The following LIMCH1 variants were observed in gnomAD, a reference collection of about 807,000 sequenced individuals.
The protein encoded by LIMCH1 is LIM and calponin homology domains-containing protein 1.
A neutral mutation model predicts 176.5 loss-of-function variants in LIMCH1; 113 were observed. The observed-to-expected ratio is 0.64, with a 90% CI of 0.55 to 0.75. LIMCH1 has a LOEUF of 0.75. Among genes scored for constraint, LIMCH1 ranks in the 30% least tolerant of loss-of-function variants. The pLI, the probability that LIMCH1 is intolerant of heterozygous loss-of-function variation, is 0.00. For synonymous variants in LIMCH1, 619 were observed against 645.9 expected (o/e 0.96, Z 0.63); for missense variants, 1,674 against 1,814.9 (o/e 0.92, Z 1.41).
intron 1 of LIMCH1, among the ~76,000 whole-genome samples, chr4:41,569,138 A>T (rs1451993857): frequency 6.6e-6 from 1 of 152,194 alleles, no homozygotes; most frequent in African/African-American, 2.4e-5. Context: ...TTTGTTTCTC[A>T]TGATAAATAA....
intron 2 of LIMCH1, among the ~76,000 whole-genome samples, chr4:41,499,108 G>T (rs2072747977): frequency 6.6e-6 from 1 of 152,260 alleles, no homozygotes; most frequent in East Asian, 1.9e-4. Flanking sequence ...AGTGCAAAAT[G>T]CTATTTGGGT....
intron 1 of LIMCH1, among the ~76,000 whole-genome samples, chr4:41,538,852 AG>A (rs1300847551): frequency 2.0e-5 from 3 of 152,132 alleles, no homozygotes; most frequent in Non-Finnish European, 4.4e-5. Context: ...GAGGAGGAAA[AG>A]AAGCAAGGAA....
chr4:41,476,558 C>G (rs919874100), intron 1 of LIMCH1, among the ~76,000 whole-genome samples: 2 of 152,218 alleles, frequency 1.3e-5, no homozygotes, highest in Non-Finnish European at 2.9e-5. Flanking sequence ...TGGGTTACCA[C>G]CTGCTGTCTG....
chr4:41,644,186 A>G (rs952247784), intron 14 of LIMCH1, among the ~76,000 whole-genome samples: 2 of 152,210 alleles, frequency 1.3e-5, no homozygotes, highest in Non-Finnish European at 2.9e-5. Flanking sequence ...GGCTTCAAAT[A>G]CCATTTTTCT....
At chr4:41,615,480 C>T (rs1416269521) in intron 5 of LIMCH1, among the ~76,000 whole-genome samples, 1 of 152,154 alleles carries the variant, frequency 6.6e-6, no homozygotes, top group Non-Finnish European at 1.5e-5. Flanking sequence ...GCTTCACAAA[C>T]ACCATCCATG....
intron 1 of LIMCH1, among the ~76,000 whole-genome samples, chr4:41,464,266 G>A (rs1282541690): frequency 6.6e-6 from 1 of 151,456 alleles, no homozygotes; most frequent in African/African-American, 2.4e-5. Context: ...CTGTGTGCAT[G>A]CCATCTCCTC....
Position 41,695,918 on chromosome 4 carries a change from A to G in LIMCH1, c.4379-1242A>G, listed in dbSNP as rs558914785. ...GATGCAATAAAAGAGTCAGAATGGG[A>G]AAAAAAAAGGCTAAAAACCATTTTT... On this transcript the variant is annotated intron_variant, in intron 31 of 31. Transcript: ENST00000503057. Among the ~76,000 whole-genome samples the G allele has an allele frequency of 1.8e-3, 243 of 136,890 alleles. 1 individual carries two copies. The highest frequency in any genetic ancestry group is 3.5e-3 in the Non-Finnish European group (208 of 60,178). The allele number at this position is 136,890 out of a possible 152,430, so 89.8% of individuals were successfully genotyped here. A position where few individuals can be genotyped will look rare whatever the true frequency, so the allele number is the denominator to read the frequency against.
upstream of LIMCH1, among the ~76,000 whole-genome samples, chr4:41,535,540 C>A (rs796535392): frequency 6.6e-6 from 1 of 152,020 alleles, no homozygotes; most frequent in Non-Finnish European, 1.5e-5. Flanking sequence ...AGGACACTGT[C>A]GTATTGGATT....
chr4:41,660,290 AT>A (rs200789292), intron 18 of LIMCH1, among the ~76,000 whole-genome samples: 1,751 of 152,098 alleles, frequency 0.012, 41 homozygotes, highest in African/African-American at 0.04. Flanking sequence ...AGTTGTTTCA[AT>A]TTTTTTTACT....
At position 41,620,608 on chromosome 4, in the gene LIMCH1, A is replaced by T; in HGVS notation, c.643A>T (p.Lys215Ter). 6.5e-7 allele frequency: 1 copy of T among 1,536,198 alleles called. No individual in the cohort carries two copies. Among genetic ancestry groups the T allele is most frequent in the Non-Finnish European group, 8.7e-7 (1 of 1,146,936 alleles). Residue 215 changes from lysine to a stop codon, truncating the protein, a stop_gained, in exon 7 of 32, where the codon AAA (lysine) becomes TAA (stop). Transcript: ENST00000503057. LOFTEE classifies it high-confidence loss of function. ...VVAPAPKSEEKDAAEIQKRKR... is the reference protein window; with the variant it reads ...VVAPAPKSEE ...GGCACCAGCTCCCAAGTCTGAAGAAAAAGATGCTGCTGAGATCCAAAAGCG... is the reference window on the plus strand; with the variant it reads ...GGCACCAGCTCCCAAGTCTGAAGAATAAGATGCTGCTGAGATCCAAAAGCG...
intron 1 of LIMCH1, among the ~76,000 whole-genome samples, chr4:41,565,386 C>CACACAT (rs2082617216): frequency 7.2e-6 from 1 of 139,634 alleles, no homozygotes; most frequent in African/African-American, 2.7e-5. Context: ...CACACACATA[C>CACACAT]ACACACACAC....
chr4:41,570,891 C>T (rs1449242265), intron 1 of LIMCH1, among the ~76,000 whole-genome samples: 2 of 152,252 alleles, frequency 1.3e-5, no homozygotes, highest in Middle Eastern at 3.4e-3. Flanking sequence ...AGCATTCTAG[C>T]ATCCATTTGA....
chr4:41,646,753 C>T lies in LIMCH1; in HGVS notation c.2680C>T (p.Arg894Cys), dbSNP rs770160237. Residue 894 changes from arginine to cysteine, a missense_variant, in exon 17 of 32, where the codon CGT becomes TGT. Coordinates refer to ENST00000503057, the MANE Select transcript of LIMCH1 (RefSeq NM_001330672.2). ...TGCCACTGTTGAAACCACCATTGCT[C>T]GTGCCAGTGTTCTGGATACCAGCAT... Reference protein sequence around the residue: ...FTATVETTIARASVLDTSMSA... With the variant: ...FTATVETTIACASVLDTSMSA... 3.5e-5 allele frequency: 57 copies of T among 1,614,058 alleles called. No individual in the cohort carries two copies. Among genetic ancestry groups the T allele is most frequent in the Non-Finnish European group, 4.5e-5 (53 of 1,180,046 alleles).
chr4:41,565,464 A>T (rs1014942187), intron 1 of LIMCH1, among the ~76,000 whole-genome samples: 17 of 149,244 alleles, frequency 1.1e-4, no homozygotes, highest in Admixed American at 3.4e-4. Context: ...ATATGAGATA[A>T]ATATATATAT....
At chr4:41,420,176 T>C (rs2060490264) in intron 1 of LIMCH1, among the ~76,000 whole-genome samples, 1 of 152,140 alleles carries the variant, frequency 6.6e-6, no homozygotes, top group African/African-American at 2.4e-5. Flanking sequence ...GGGCTTCCAT[T>C]TTCCGTGTGT....
chr4:41,676,007 C>T (rs1280369956), intron 22 of LIMCH1, among the ~76,000 whole-genome samples: 1 of 152,232 alleles, frequency 6.6e-6, no homozygotes, highest in Non-Finnish European at 1.5e-5. Context: ...GCTAAAATAA[C>T]TGGTCTCGTT....
chr4:41,562,320 G>C (rs984059448), intron 1 of LIMCH1, among the ~76,000 whole-genome samples: 3 of 152,130 alleles, frequency 2.0e-5, no homozygotes, highest in African/African-American at 7.2e-5. Context: ...TTCTAGTGTG[G>C]TGAGGATGAG....
At chr4:41,583,390 G>A (rs907754992) in intron 1 of LIMCH1, among the ~76,000 whole-genome samples, 2 of 152,144 alleles carry the variant, frequency 1.3e-5, no homozygotes, top group Non-Finnish European at 2.9e-5. Flanking sequence ...TTGTGAACAG[G>A]AACAGCATAT....
chr4:41,647,304 A>C (rs1420025837), intron 17 of LIMCH1, among the ~76,000 whole-genome samples: 1 of 152,246 alleles, frequency 6.6e-6, no homozygotes, highest in East Asian at 1.9e-4. Flanking sequence ...AAGTATATGC[A>C]GCTACCTCTC....
Sources: allele counts gnomAD v4.1 joint callset (sites outside exome capture counted in the v4.1 genomes callset), GRCh38; gene constraint gnomAD v4.1.1; transcripts MANE v1.5; gene names NCBI Gene and HGNC (gene_info 2026-07-23, HGNC 2026-07-21).